The following OPCML variants were observed in gnomAD, a reference collection of about 807,000 sequenced individuals.
OPCML encodes opioid-binding protein/cell adhesion molecule.
A neutral mutation model predicts 37.8 loss-of-function variants in OPCML; 13 were observed. The observed-to-expected ratio is 0.34, with a 90% CI of 0.22 to 0.55. The LOEUF is 0.55. Among genes scored for constraint, OPCML ranks in the 20% least tolerant of loss-of-function variants. OPCML has a pLI of 0.91. For synonymous variants in OPCML, 176 were observed against 168.8 expected, an observed-to-expected ratio of 1.04 and a Z score of -0.33; for missense variants, 341 against 435.6, an observed-to-expected ratio of 0.78 and a Z score of 1.93.
intron 1 of OPCML, among the ~76,000 whole-genome samples, chr11:133,139,255 C>T (rs913765302): frequency 6.6e-6 from 1 of 152,176 alleles, no homozygotes; most frequent in African/African-American, 2.4e-5. Context: ...ACATTAAATA[C>T]CTCTTTGCAC....
At position 133,208,368 on chromosome 11, in the gene OPCML, C is replaced by A. The variant is rs538469128; in HGVS notation, c.62-265358G>T. Among the ~76,000 whole-genome samples, 7 of 152,262 alleles carry A rather than the reference C, an allele frequency of 4.6e-5. No individual in the cohort carries two copies. The highest frequency in any genetic ancestry group is 3.4e-3 in the Middle Eastern group (1 of 294). On this transcript the variant is annotated intron_variant, in intron 1 of 7. Coordinates refer to ENST00000524381, the MANE Select transcript of OPCML (RefSeq NM_001012393.5). The surrounding 1 kb of genome is among the most constrained non-coding windows in gnomAD (Gnocchi z 8.9). ...TATCATTGTCGAGGGGCAGCTGGGG[C>A]ATGGTAGAAAGGGCCATAGGTTAGG...
intron 1 of OPCML, among the ~76,000 whole-genome samples, chr11:133,102,261 T>A (rs1280278673): frequency 6.6e-6 from 1 of 152,194 alleles, no homozygotes; most frequent in Non-Finnish European, 1.5e-5. Flanking sequence ...TAGTGTGAGA[T>A]GTTGACAATG....
intron 1 of OPCML, among the ~76,000 whole-genome samples, chr11:133,126,036 T>G (rs189552903): frequency 6.8e-6 from 1 of 146,936 alleles, no homozygotes; most frequent in Non-Finnish European, 1.5e-5. Context: ...ACACTATATA[T>G]ATACTACATA....
At chr11:133,125,561 T>A (rs551668507) in intron 1 of OPCML, among the ~76,000 whole-genome samples, 86 of 148,860 alleles carry the variant, frequency 5.8e-4, no homozygotes, top group Non-Finnish European at 1.1e-3. Flanking sequence ...AGGATATATA[T>A]ATATATAAAA....
At chr11:132,433,671 T>C (rs1210879847) in intron 7 of OPCML, among the ~76,000 whole-genome samples, 1 of 152,152 alleles carries the variant, frequency 6.6e-6, no homozygotes, top group Admixed American at 6.5e-5. Flanking sequence ...AGGGAAGTAA[T>C]TAAGGTTAAG....
In OPCML at chr11:133,005,170, A is replaced by T. The variant is rs1393527039; in HGVS notation, c.62-62160T>A. On this transcript the variant is annotated intron_variant, in intron 1 of 7. Transcript: ENST00000524381. ...TCCTGCACCACTGACCCTCCACCCAATCTCTCTAGCCCGGGTTTTCAGCCA... is the reference window on the plus strand; with the variant it reads ...TCCTGCACCACTGACCCTCCACCCATTCTCTCTAGCCCGGGTTTTCAGCCA... 4 of 984,852 alleles carry T rather than the reference A, an allele frequency of 4.1e-6. No individual in the cohort carries two copies. The East Asian group carries it at 4.6e-4, about 112-fold the overall frequency. 61.0% of individuals were successfully genotyped at this position (984,852 alleles called of 1,614,324 possible).
At chr11:132,442,432 T>G (rs116024877) in intron 4 of OPCML, among the ~76,000 whole-genome samples, 2,962 of 152,296 alleles carry the variant, frequency 0.019, 75 homozygotes, top group African/African-American at 0.051. Context: ...CCAATTTTCC[T>G]GTTTATTGCC....
chr11:132,784,640 CT>C (rs1947147563), intron 2 of OPCML, among the ~76,000 whole-genome samples: 1 of 152,130 alleles, frequency 6.6e-6, no homozygotes, highest in Non-Finnish European at 1.5e-5. Context: ...GGACGTGGGC[CT>C]GGTGCGAGGT....
intron 1 of OPCML, among the ~76,000 whole-genome samples, chr11:133,480,970 A>C (rs1045837605): frequency 1.3e-5 from 2 of 152,238 alleles, no homozygotes; most frequent in Admixed American, 1.3e-4. Context: ...CATGGCACCA[A>C]GAATGCAAAG....
intron 3 of OPCML, among the ~76,000 whole-genome samples, chr11:132,598,111 T>A (rs1187507879): frequency 6.6e-6 from 1 of 152,164 alleles, no homozygotes; most frequent in Non-Finnish European, 1.5e-5. Context: ...ATACCAAGTA[T>A]CAGGCATTGT....
At position 133,000,949 on chromosome 11, in the gene OPCML, C is replaced by T. The variant is rs375834468; in HGVS notation, c.62-57939G>A. Among the ~76,000 whole-genome samples the T allele has an allele frequency of 1.1e-4, 16 of 152,254 alleles. No individual in the cohort carries two copies. In the South Asian group the frequency reaches 1.5e-3, roughly 14 times the overall value. On this transcript the variant is annotated intron_variant, in intron 1 of 7. Transcript: ENST00000524381. The stretch of plus-strand genomic sequence containing the variant: ...TTAACACAGTATGGCAGCTCCCCTG[C>T]CTCCTTTCTTGCTCCCTCTCTCGCC...
At chr11:133,269,667 A>G (rs1250528942) in intron 1 of OPCML, among the ~76,000 whole-genome samples, 1 of 152,238 alleles carries the variant, frequency 6.6e-6, no homozygotes, top group Non-Finnish European at 1.5e-5. Flanking sequence ...TCAACAGGCT[A>G]GACAAAGTAG....
chr11:133,326,324 G>C (rs1268989714), intron 1 of OPCML, among the ~76,000 whole-genome samples: 1 of 107,780 alleles, frequency 9.3e-6, no homozygotes, highest in African/African-American at 3.9e-5. Flanking sequence ...TAAGTGTGTG[G>C]GGGGAGTGGG....
At chr11:132,716,404 A>G (rs11223180) in intron 2 of OPCML, among the ~76,000 whole-genome samples, 921 of 40,834 alleles carry the variant, frequency 0.023, 1 homozygote, top group African/African-American at 0.057. Context: ...CTATCTATCT[A>G]TCTGTCTGTC....
chr11:133,385,963 T>G (rs1417031511), intron 1 of OPCML, among the ~76,000 whole-genome samples: 1 of 151,780 alleles, frequency 6.6e-6, no homozygotes, highest in Non-Finnish European at 1.5e-5. Flanking sequence ...CAACACTCTG[T>G]GTGGCCCAGC....
At chr11:132,992,937 A>G (rs1260091524) in intron 1 of OPCML, among the ~76,000 whole-genome samples, 1 of 152,162 alleles carries the variant, frequency 6.6e-6, no homozygotes, top group Non-Finnish European at 1.5e-5. Flanking sequence ...TCGATTAATC[A>G]CAGGTGCCCC....
At chr11:133,103,104 A>C (rs1308101435) in intron 1 of OPCML, among the ~76,000 whole-genome samples, 1 of 152,182 alleles carries the variant, frequency 6.6e-6, no homozygotes, top group Admixed American at 6.6e-5. Flanking sequence ...TACCAAAACC[A>C]CAACATTACT....
rs562933524 is a variant in OPCML at position 132,926,814 on chromosome 11, TAAGA to T, written c.146+16108_146+16111del. Among the ~76,000 whole-genome samples the T allele has an allele frequency of 2.7e-3, 407 of 151,474 alleles. 1 individual carries two copies. The highest frequency in any genetic ancestry group is 4.6e-3 in the Admixed American group (70 of 15,228). Reference sequence around the variant, plus strand: ...ATGCTCAGAGAGCTAAAGAAAAACATAAGAAATAATAAAAAGTAATCATGAAAAC... The same window carrying T: ...ATGCTCAGAGAGCTAAAGAAAAACATAATAATAAAAAGTAATCATGAAAAC... On this transcript the variant is annotated intron_variant, in intron 2 of 7. Coordinates refer to ENST00000524381, the MANE Select transcript of OPCML (RefSeq NM_001012393.5).
chr11:133,339,055 G>A (rs953401332), intron 1 of OPCML, among the ~76,000 whole-genome samples: 38 of 152,136 alleles, frequency 2.5e-4, no homozygotes, highest in African/African-American at 8.9e-4. Context: ...ACCAGCATCA[G>A]GATACATTTC....
Sources: allele counts gnomAD v4.1 joint callset (sites outside exome capture counted in the v4.1 genomes callset), GRCh38; gene constraint gnomAD v4.1.1; non-coding constraint Gnocchi (gnomAD v3.1); transcripts MANE v1.5; gene names NCBI Gene and HGNC (gene_info 2026-07-23, HGNC 2026-07-21).